ACAA2: variants seen among roughly 807,000 people sequenced by gnomAD.
The protein encoded by ACAA2 is acetyl-CoA acyltransferase 2.
Under a neutral mutation model 44.8 loss-of-function variants are expected in ACAA2, and 35 were observed. That is an observed-to-expected ratio of 0.78 (90% CI 0.60 to 1.04). The LOEUF (loss-of-function observed/expected upper bound fraction) is 1.04. ACAA2 is among the 50% of genes least tolerant of loss of function. The pLI, the probability that ACAA2 is intolerant of heterozygous loss-of-function variation, is 0.00. For synonymous variants in ACAA2, 142 were observed against 166.5 expected, an observed-to-expected ratio of 0.85 and a Z score of 1.13; for missense variants, 468 against 482.6, an observed-to-expected ratio of 0.97 and a Z score of 0.28.
At chr18:49,805,581 T>G (rs1023145301) in intron 1 of ACAA2, among the ~76,000 whole-genome samples, 1 of 152,084 alleles carries the variant, frequency 6.6e-6, no homozygotes, top group African/African-American at 2.4e-5. Context: ...TCTTTTTTTT[T>G]TGAGACAGTC....
At chr18:49,791,422 T>A (rs201013632) in intron 7 of ACAA2, 48 bp downstream of exon 7, 1 of 1,577,782 alleles carries the variant, frequency 6.3e-7, no homozygotes, top group East Asian at 2.3e-5. Flanking sequence ...CAAAGAAGAC[T>A]TACCTCCAGA....
intron 2 of ACAA2, among the ~76,000 whole-genome samples, chr18:49,799,314 G>T (rs891145115): frequency 6.6e-6 from 1 of 151,732 alleles, no homozygotes; most frequent in African/African-American, 2.4e-5. Context: ...CAACCTCCCT[G>T]CCTGATTCTC....
Position 49,787,855 on chromosome 18 carries a change from T to C in ACAA2, c.884-494A>G, listed in dbSNP as rs1414026462. On this transcript the variant is annotated intron_variant, in intron 7 of 9. Transcript: ENST00000285093. The stretch of plus-strand genomic sequence containing the variant: ...AGCAAGGCAGACTGAGTGCTCTACT[T>C]GGGATCCAAGCCATATGCATTCACA... Among the ~76,000 whole-genome samples the C allele has an allele frequency of 1.3e-5, 2 of 152,168 alleles. 1 individual carries two copies. The highest frequency in any genetic ancestry group is 4.1e-4 in the South Asian group (2 of 4,832).
chr18:49,785,324 A>G lies in ACAA2; in HGVS notation c.982T>C (p.Leu328=). The G allele has an allele frequency of 1.2e-6, 2 of 1,613,624 alleles. No homozygotes were observed. The highest frequency in any genetic ancestry group is 1.7e-5 in the Admixed American group (1 of 59,722). ...EVNEAFAPQY[L]AVERSLDLDI... Reference sequence around the variant, plus strand: ...AGATCCAAACTCCTCTCAACAGCCAAGTACTGGGGAGCAAAAGCTTCATTC... The same window carrying G: ...AGATCCAAACTCCTCTCAACAGCCAGGTACTGGGGAGCAAAAGCTTCATTC... Residue 328 remains leucine, a synonymous_variant, in exon 9 of 10, where the codon TTG becomes CTG. Transcript: ENST00000285093.
chr18:49,791,420 A>G (rs1176059701), intron 7 of ACAA2, 50 bp downstream of exon 7: 3 of 1,574,272 alleles, frequency 1.9e-6, no homozygotes, highest in Non-Finnish European at 2.6e-6. Context: ...GCCAAAGAAG[A>G]CTTACCTCCA....
intron 5 of ACAA2, 125 bp from the exon 6 acceptor site, chr18:49,792,452 T>TATTA (rs1269906075): frequency 1.8e-5 from 17 of 927,492 alleles, no homozygotes; most frequent in Non-Finnish European, 2.6e-5. Flanking sequence ...ATTGAGTCTT[T>TATTA]ATTAATTTTT....
chr18:49,788,170 A>C (rs2023355661), intron 7 of ACAA2, among the ~76,000 whole-genome samples: 1 of 152,254 alleles, frequency 6.6e-6, no homozygotes, highest in South Asian at 2.1e-4. Context: ...TCATAATTTA[A>C]ATCCATATTT....
chr18:49,799,459 C>T (rs879001048), intron 2 of ACAA2, among the ~76,000 whole-genome samples: 10 of 152,206 alleles, frequency 6.6e-5, no homozygotes, highest in Admixed American at 4.6e-4. Context: ...GCGAGTGATC[C>T]GCCAGCCTCG....
chr18:49,799,845 T>TA (rs1379197169), intron 2 of ACAA2, among the ~76,000 whole-genome samples: 3 of 130,366 alleles, frequency 2.3e-5, no homozygotes, highest in Non-Finnish European at 4.9e-5. Context: ...ATCTGGGATG[T>TA]GGGGAGCGCC....
At chr18:49,800,739 T>A (rs944657614) in intron 2 of ACAA2, among the ~76,000 whole-genome samples, 5 of 152,100 alleles carry the variant, frequency 3.3e-5, no homozygotes, top group Non-Finnish European at 5.9e-5. Flanking sequence ...TAATCTCAAG[T>A]ACCCAGGGAC....
chr18:49,809,139 T>G (rs879671144), intron 1 of ACAA2, among the ~76,000 whole-genome samples: 20 of 152,144 alleles, frequency 1.3e-4, no homozygotes, highest in African/African-American at 4.6e-4. Context: ...AGAAGAAAAA[T>G]ATGGCTCCTA....
chr18:49,800,802 T>C (rs1382033732), intron 2 of ACAA2, among the ~76,000 whole-genome samples: 1 of 151,574 alleles, frequency 6.6e-6, no homozygotes, highest in African/African-American at 2.4e-5. Context: ...CCAGAGACCT[T>C]TGTTCACTTG....
At chr18:49,800,264 G>C (rs934722025) in intron 2 of ACAA2, among the ~76,000 whole-genome samples, 5 of 146,360 alleles carry the variant, frequency 3.4e-5, no homozygotes, top group African/African-American at 1.3e-4. Context: ...GTCCGGGAGG[G>C]AGGGAGGTGG....
chr18:49,794,699 G>A (rs2023445578), intron 4 of ACAA2, among the ~76,000 whole-genome samples: 1 of 152,178 alleles, frequency 6.6e-6, no homozygotes, highest in Admixed American at 6.5e-5. Flanking sequence ...CGTGCATGGT[G>A]AGATCACAGA....
chr18:49,797,906 A>G (rs1017707043), intron 2 of ACAA2, among the ~76,000 whole-genome samples: 1 of 152,240 alleles, frequency 6.6e-6, no homozygotes, highest in African/African-American at 2.4e-5. Flanking sequence ...AATGTTGTGT[A>G]ACCACAGTCA....
rs988258326 is a variant in ACAA2, at chr18:49,782,867, T to C, written c.*980A>G. ...TGTCTCAAAAAAAAAAAAAAAAATT[T>C]CCCCCCAATAAATGTATAACCCATA... On this transcript the variant is annotated 3_prime_UTR_variant, in exon 10 of 10. Transcript: ENST00000285093. 1.3e-5 allele frequency: 2 copies of C among 150,912 alleles called. No homozygotes were observed. The highest frequency in any genetic ancestry group is 2.4e-5 in the African/African-American group (1 of 41,068). 9.3% of individuals were successfully genotyped at this position (150,912 alleles called of 1,614,324 possible).
At chr18:49,803,437 C>G (rs1450045973) in intron 1 of ACAA2, among the ~76,000 whole-genome samples, 8 of 152,058 alleles carry the variant, frequency 5.3e-5, no homozygotes. Flanking sequence ...CAGGTGGACC[C>G]CTTAGAGTTG....
At chr18:49,791,678 A>G in intron 6 of ACAA2, 79 bp from the exon 7 acceptor site, 4 of 1,450,144 alleles carry the variant, frequency 2.8e-6, no homozygotes, top group Non-Finnish European at 3.8e-6. Flanking sequence ...GACTAGTAGT[A>G]TTAGGAATAT....
chr18:49,787,385 A>G, intron 7 of ACAA2, 24 bp from the exon 8 acceptor site: 1 of 1,341,030 alleles, frequency 7.5e-7, no homozygotes, highest in Non-Finnish European at 9.7e-7. Context: ...AAAATCTTCT[A>G]TAAAAATATA....
Sources: gnomAD v4.1 joint callset for allele counts (sites outside exome capture counted in the v4.1 genomes callset) on GRCh38, gnomAD v4.1.1 for gene constraint, MANE v1.5 for transcripts, NCBI Gene and HGNC (gene_info 2026-07-23, HGNC 2026-07-21) for gene names.